JAKMIP3: variants seen among roughly 807,000 people sequenced by gnomAD.
The protein encoded by JAKMIP3 is Janus kinase and microtubule interacting protein 3.
JAKMIP3 carries 58 observed loss-of-function variants against 118.5 expected under a neutral mutation model. The observed-to-expected ratio is 0.49, with a 90% CI of 0.40 to 0.61. The LOEUF (loss-of-function observed/expected upper bound fraction) is 0.61, where lower values mean the gene tolerates loss of function less well. Among genes scored for constraint, JAKMIP3 ranks in the 20% least tolerant of loss-of-function variants. The pLI is 0.00. For synonymous variants in JAKMIP3, 486 were observed against 451.2 expected, an observed-to-expected ratio of 1.08 and a Z score of -0.98; for missense variants, 950 against 1,109.0, an observed-to-expected ratio of 0.86 and a Z score of 2.04.
chr10:132,041,038 C>T (rs905017042), intron 1 of JAKMIP3, among the ~76,000 whole-genome samples: 26 of 152,176 alleles, frequency 1.7e-4, no homozygotes, highest in Non-Finnish European at 1.6e-4. Context: ...GAGCGGCATT[C>T]GTCAGATGTG....
chr10:132,120,925 G>A (rs957243166), intron 3 of JAKMIP3, among the ~76,000 whole-genome samples: 1 of 152,260 alleles, frequency 6.6e-6, no homozygotes, highest in African/African-American at 2.4e-5. Context: ...AGGCAGGTGT[G>A]TGGCCGCTCG....
At chr10:132,096,525 C>T (rs759768267) in intron 1 of JAKMIP3, among the ~76,000 whole-genome samples, 1 of 152,184 alleles carries the variant, frequency 6.6e-6, no homozygotes, top group Non-Finnish European at 1.5e-5. Context: ...AGGAAGTGCA[C>T]TCGCAAATTT....
chr10:132,047,036 A>G (rs986173801), intron 1 of JAKMIP3, among the ~76,000 whole-genome samples: 1 of 152,106 alleles, frequency 6.6e-6, no homozygotes, highest in Non-Finnish European at 1.5e-5. Flanking sequence ...AGGTGCCACC[A>G]CACCCAGCTA....
chr10:132,163,515 T>C (rs1467542059), intron 20 of JAKMIP3, 103 bp downstream of exon 20: 3 of 1,044,042 alleles, frequency 2.9e-6, no homozygotes, highest in Non-Finnish European at 4.1e-6. Context: ...ACTACCCCTC[T>C]GTGGCCCCAC....
rs1298966364 is a variant in JAKMIP3, at chr10:132,184,571, A to C, written c.*3318A>C. On this transcript the variant is annotated 3_prime_UTR_variant, in exon 24 of 24. Coordinates refer to ENST00000684848, the MANE Select transcript of JAKMIP3 (RefSeq NM_001323087.2). ...AAAAACTAACCGGGCCTGTTTTCTTACGGCGGCATGCCAGGTAGTGTGTGT... is the reference window on the plus strand; with the variant it reads ...AAAAACTAACCGGGCCTGTTTTCTTCCGGCGGCATGCCAGGTAGTGTGTGT... 1 of 152,220 alleles carries C rather than the reference A, an allele frequency of 6.6e-6. No homozygotes were observed. The highest frequency in any genetic ancestry group is 2.4e-5 in the African/African-American group (1 of 41,454). The allele number at this position is 152,220 out of a possible 1,614,324, so 9.4% of individuals were successfully genotyped here.
chr10:132,087,901 C>A (rs1394899959), intron 1 of JAKMIP3, among the ~76,000 whole-genome samples: 1 of 152,020 alleles, frequency 6.6e-6, no homozygotes, highest in Non-Finnish European at 1.5e-5. Flanking sequence ...TGTTCCCCTT[C>A]CTGTGTCCAT....
chr10:132,070,134 A>AT (rs796955225), intron 1 of JAKMIP3, among the ~76,000 whole-genome samples: 36 of 148,916 alleles, frequency 2.4e-4, no homozygotes, highest in African/African-American at 4.7e-4. Flanking sequence ...ACTGTCTTCC[A>AT]TTTTTTTTTT....
upstream of JAKMIP3, among the ~76,000 whole-genome samples, chr10:132,064,513 G>A (rs147140877): frequency 2.0e-5 from 3 of 152,324 alleles, no homozygotes; most frequent in East Asian, 3.9e-4. This position sits in a 1 kb window ranked among gnomAD's most constrained non-coding sequence, Gnocchi z 4.4. Flanking sequence ...CCACCGTTCC[G>A]GGTCTGAATC....
chr10:132,137,840 G>A (rs577319111), intron 8 of JAKMIP3, among the ~76,000 whole-genome samples: 14 of 152,294 alleles, frequency 9.2e-5, no homozygotes, highest in East Asian at 7.7e-4. Flanking sequence ...CACCTGCCCC[G>A]TGTGGCCCCT....
rs2055427184 is a variant in JAKMIP3, at chr10:132,149,554, T to TCCCCCGCCCCACCCCCTCTCTG, written c.1947+64_1947+65insTGCCCCCGCCCCACCCCCTCTC. On this transcript the variant is annotated intron_variant, in intron 15 of 23. Transcript: ENST00000684848. ...GCCCACTCCGCCCCCACCTCACCCA[T>TCCCCCGCCCCACCCCCTCTCTG]CCCCCGCCCCACCCCCTCTCCGCCC... The TCCCCCGCCCCACCCCCTCTCTG allele has an allele frequency of 4.0e-5, 21 of 530,948 alleles. No homozygotes were observed. The African/African-American group carries it at 5.9e-4, about 15-fold the overall frequency. The allele number at this position is 530,948 out of a possible 1,614,324, so 32.9% of individuals were successfully genotyped here.
intron 11 of JAKMIP3, chr10:132,144,686 T>A (rs1276002092): frequency 6.1e-6 from 1 of 165,010 alleles, no homozygotes; most frequent in African/African-American, 2.4e-5. Flanking sequence ...CCCAGCACTT[T>A]GGGAGGCTGA....
chr10:132,159,627 T>C (rs1172354858), intron 19 of JAKMIP3, among the ~76,000 whole-genome samples: 72 of 69,274 alleles, frequency 1.0e-3, no homozygotes, highest in Non-Finnish European at 1.4e-3. Flanking sequence ...GGGGTCCTCT[T>C]CCTTTGTGAT....
At chr10:132,167,877 G>GCCCCTCC (rs1464324933) in intron 22 of JAKMIP3, 76 bp from the exon 23 acceptor site, 6 of 1,049,712 alleles carry the variant, frequency 5.7e-6, no homozygotes, top group Non-Finnish European at 5.0e-6. Context: ...CTCGCCCCTC[G>GCCCCTCC]CCCCTCGGCC....
At chr10:132,136,474 GTC>G (rs2051799651) in intron 6 of JAKMIP3, among the ~76,000 whole-genome samples, 1 of 152,114 alleles carries the variant, frequency 6.6e-6, no homozygotes, top group South Asian at 2.1e-4. Context: ...GGGGCAGGGA[GTC>G]TCTGCTCCGC....
chr10:132,135,260 G>A, intron 5 of JAKMIP3, 100 bp downstream of exon 5: 1 of 1,235,470 alleles, frequency 8.1e-7, no homozygotes, highest in African/African-American at 1.5e-5. Context: ...TAAAGGAGTG[G>A]TGGTTGCAAG....
chr10:132,162,197 AG>A (rs1414574469), intron 19 of JAKMIP3, among the ~76,000 whole-genome samples: 1 of 152,154 alleles, frequency 6.6e-6, no homozygotes. Context: ...TCTTTATGGC[AG>A]GGGCTAGTGC....
At chr10:132,160,081 GGGGGTCTCTTCC>G (rs2057900343) in intron 19 of JAKMIP3, among the ~76,000 whole-genome samples, 1 of 7,548 alleles carries the variant, frequency 1.3e-4, no homozygotes, top group East Asian at 0.033. Flanking sequence ...GTGATGCTGG[GGGGGTCTCTTCC>G]TGTGTGATGC....
chr10:132,140,143 C>T (rs2818388), intron 9 of JAKMIP3, among the ~76,000 whole-genome samples: 11 of 152,188 alleles, frequency 7.2e-5, no homozygotes, highest in Non-Finnish European at 1.0e-4. Context: ...TCTGTTAACC[C>T]GGGTACCACC....
In JAKMIP3 at chr10:132,167,075, G is replaced by C; in HGVS notation, c.*22+20G>C. On this transcript the variant is annotated intron_variant, in intron 22 of 23. Transcript: ENST00000684848. The stretch of plus-strand genomic sequence containing the variant: ...GACGTGGTGAGTATTTCGTTGGCAG[G>C]GCCCAGCAGGGGTCCCGCTCTGCTT... 1.3e-6 allele frequency: 2 copies of C among 1,510,000 alleles called. No homozygotes were observed. Among genetic ancestry groups the C allele is most frequent in the Non-Finnish European group, 9.0e-7 (1 of 1,109,454 alleles). 93.5% of individuals were successfully genotyped at this position (1,510,000 alleles called of 1,614,324 possible).
Sources: allele counts gnomAD v4.1 joint callset (sites outside exome capture counted in the v4.1 genomes callset), GRCh38; gene constraint gnomAD v4.1.1; non-coding constraint Gnocchi (gnomAD v3.1); transcripts MANE v1.5; gene names NCBI Gene and HGNC (gene_info 2026-07-23, HGNC 2026-07-21).